Variants in KIAA1217 observed in about 807,000 individuals in gnomAD.
KIAA1217 encodes the protein sickle tail protein homolog.
Under a neutral mutation model 163.9 loss-of-function variants are expected in KIAA1217, and 88 were observed. The ratio of observed to expected loss-of-function variants is 0.54; its 90% CI spans 0.45 to 0.64. The LOEUF is 0.64. Among genes scored for constraint, KIAA1217 ranks in the 30% least tolerant of loss-of-function variants. The pLI is 0.00. For missense variants in KIAA1217, 2,372 were observed against 2,475.0 expected, an observed-to-expected ratio of 0.96 and a Z score of 0.88; for synonymous variants, 903 against 923.1, an observed-to-expected ratio of 0.98 and a Z score of 0.39.
At chr10:24,008,539 G>T (rs772849884) in intron 2 of KIAA1217, among the ~76,000 whole-genome samples, 4 of 152,160 alleles carry the variant, frequency 2.6e-5, no homozygotes, top group Non-Finnish European at 4.4e-5. Flanking sequence ...ATGAAGGAGG[G>T]CATGCGGGTG....
intron 1 of KIAA1217, among the ~76,000 whole-genome samples, chr10:23,811,094 T>C (rs1837022560): frequency 8.8e-6 from 1 of 113,894 alleles, no homozygotes; most frequent in Non-Finnish European, 1.7e-5. Flanking sequence ...CACTATATTA[T>C]ATATACTATA....
chr10:24,088,207 A>C (rs974088607), intron 2 of KIAA1217, among the ~76,000 whole-genome samples: 49 of 117,870 alleles, frequency 4.2e-4, no homozygotes, highest in African/African-American at 1.3e-3. Flanking sequence ...GCCCAGGCTC[A>C]AGGAACATCC....
intron 2 of KIAA1217, among the ~76,000 whole-genome samples, chr10:24,032,691 C>A (rs76215161): frequency 0.017 from 2,627 of 152,210 alleles, 67 homozygotes; most frequent in African/African-American, 0.061. Context: ...AGGGATAAAT[C>A]TGAATATATA....
intron 1 of KIAA1217, among the ~76,000 whole-genome samples, chr10:23,713,712 T>A (rs1304136599): frequency 6.6e-6 from 1 of 152,164 alleles, no homozygotes; most frequent in Non-Finnish European, 1.5e-5. Flanking sequence ...TTGGTATCTG[T>A]AATAAAGTTT....
At chr10:24,096,054 G>A (rs963608629) in intron 2 of KIAA1217, among the ~76,000 whole-genome samples, 33 of 152,202 alleles carry the variant, frequency 2.2e-4, no homozygotes, top group African/African-American at 7.0e-4. Flanking sequence ...CCTGCAGTGA[G>A]CTGTGATTGC....
At chr10:23,850,511 T>C (rs1415740917) in intron 1 of KIAA1217, among the ~76,000 whole-genome samples, 2 of 152,150 alleles carry the variant, frequency 1.3e-5, no homozygotes, top group Admixed American at 1.3e-4. Context: ...CTGTGATCTT[T>C]ATGAAGAGGC....
intron 2 of KIAA1217, among the ~76,000 whole-genome samples, chr10:24,244,467 T>C (rs1201994069): frequency 6.6e-6 from 1 of 152,168 alleles, no homozygotes; most frequent in Non-Finnish European, 1.5e-5. Flanking sequence ...GCTTTTTCTC[T>C]TCAGATGTCT....
intron 2 of KIAA1217, among the ~76,000 whole-genome samples, chr10:24,056,056 A>G (rs1278189314): frequency 1.3e-5 from 2 of 152,164 alleles, no homozygotes; most frequent in Non-Finnish European, 1.5e-5. Context: ...AAAAGCTCCA[A>G]TGCAAAGGAC....
chr10:23,745,218 C>T (rs1458858367), intron 1 of KIAA1217, among the ~76,000 whole-genome samples: 1 of 152,036 alleles, frequency 6.6e-6, no homozygotes. Flanking sequence ...TCGATGTATC[C>T]CCAGTGCCTA....
At chr10:24,445,865 G>A (rs1775719546) in intron 5 of KIAA1217, among the ~76,000 whole-genome samples, 1 of 152,110 alleles carries the variant, frequency 6.6e-6, no homozygotes, top group South Asian at 2.1e-4. Context: ...CTTTATAGCA[G>A]CGTGATTTAT....
At chr10:24,110,997 G>T (rs1005845323) in intron 2 of KIAA1217, among the ~76,000 whole-genome samples, 13 of 151,994 alleles carry the variant, frequency 8.6e-5, no homozygotes, top group African/African-American at 3.1e-4. Context: ...GCTACAGAGG[G>T]CATTGTATTA....
intron 1 of KIAA1217, among the ~76,000 whole-genome samples, chr10:23,905,032 C>G (rs1842096041): frequency 6.7e-6 from 1 of 148,322 alleles, no homozygotes; most frequent in African/African-American, 2.5e-5. Flanking sequence ...GCAGAGGTCC[C>G]ATTGAATTGG....
chr10:24,473,990 G>A lies in KIAA1217; in HGVS notation c.1609G>A (p.Gly537Ser), dbSNP rs374367601. The stretch of plus-strand genomic sequence containing the variant: ...AGGATTATCCAGCCTTGTAGACCTC[G>A]GCCCTCCTCTAATGGAGAAGCAAGT... ...AAGLSSLVDL[G>S]PPLMEKQVFA... is the part of the protein sequence containing the mutation. The change falls in exon 6 of 21, where the codon GGC (glycine) becomes AGC (serine). Residue 537 changes from glycine to serine, a missense_variant. Transcript: ENST00000376454. 30 of 1,613,840 alleles carry A rather than the reference G, an allele frequency of 1.9e-5. No individual in the cohort carries two copies. The highest frequency in any genetic ancestry group is 2.5e-5 in the Non-Finnish European group (29 of 1,179,902).
intron 2 of KIAA1217, among the ~76,000 whole-genome samples, chr10:24,062,948 G>A (rs1211921369): frequency 1.3e-5 from 2 of 151,880 alleles, no homozygotes; most frequent in East Asian, 3.9e-4. Context: ...CTTTTGAGAA[G>A]TGTCTGTTCA....
At chr10:23,822,949 C>CT (rs1837695255) in intron 1 of KIAA1217, among the ~76,000 whole-genome samples, 1 of 152,166 alleles carries the variant, frequency 6.6e-6, no homozygotes, top group African/African-American at 2.4e-5. Context: ...GAGGGAAGCA[C>CT]TTTTTTATTA....
intron 3 of KIAA1217, among the ~76,000 whole-genome samples, chr10:24,386,140 G>T (rs1051655477): frequency 3.3e-5 from 5 of 152,190 alleles, no homozygotes; most frequent in African/African-American, 1.2e-4. Context: ...CTTTAGAAAA[G>T]AGACCTCACT....
At chr10:23,849,661 C>A (rs1238788149) in intron 1 of KIAA1217, among the ~76,000 whole-genome samples, 2 of 152,076 alleles carry the variant, frequency 1.3e-5, no homozygotes. Context: ...TACCCTAGTA[C>A]ATAAAGTATA....
At position 24,182,906 on chromosome 10, in the gene KIAA1217, C is replaced by T. The variant is rs373860690; in HGVS notation, c.-170-36720C>T. On this transcript the variant is annotated intron_variant, in intron 2 of 18. Transcript: ENST00000376462. ...TGGTTTCAACATGATTTGTTTCTCC[C>T]CACCAAAATGCATGTTAAAAAGTGA... 3.0e-3 allele frequency among the ~76,000 whole-genome samples: 463 copies of T among 152,208 alleles called. 1 individual carries two copies. The highest frequency in any genetic ancestry group is 0.011 in the African/African-American group (438 of 41,546).
intron 1 of KIAA1217, among the ~76,000 whole-genome samples, chr10:23,721,540 A>G (rs1469681556): frequency 2.0e-5 from 3 of 151,952 alleles, no homozygotes; most frequent in African/African-American, 7.3e-5. Context: ...ATTCCTTTTC[A>G]ATGCTTATCA....
Sources: allele counts gnomAD v4.1 joint callset (sites outside exome capture counted in the v4.1 genomes callset), GRCh38; gene constraint gnomAD v4.1.1; transcripts MANE v1.5; gene names NCBI Gene and HGNC (gene_info 2026-07-23, HGNC 2026-07-21).